The following SNX29 variants were observed in gnomAD, a reference collection of about 807,000 sequenced individuals.
The protein encoded by SNX29 is sorting nexin-29.
Under a neutral mutation model 102.1 loss-of-function variants are expected in SNX29, and 78 were observed. The observed-to-expected ratio is 0.76, with a 90% CI of 0.64 to 0.92. The LOEUF is 0.92. Among genes scored for constraint, SNX29 ranks in the 40% least tolerant of loss-of-function variants. The pLI, the probability that SNX29 is intolerant of heterozygous loss-of-function variation, is 0.00. For synonymous variants in SNX29, 580 were observed against 414.5 expected (o/e 1.40, Z -4.85); for missense variants, 1,280 against 1,061.7 (o/e 1.21, Z -2.86).
chr16:12,047,124 G>GAGGAA (rs1412646287), intron 6 of SNX29, among the ~76,000 whole-genome samples: 1 of 152,218 alleles, frequency 6.6e-6, no homozygotes, highest in East Asian at 1.9e-4. Flanking sequence ...TCCTCTCTGT[G>GAGGAA]AGGTGGGAAT....
chr16:12,557,023 C>CCCCCT (rs1555458244), intron 20 of SNX29, among the ~76,000 whole-genome samples: 1,478 of 120,862 alleles, frequency 0.012, 77 homozygotes, highest in South Asian at 0.098. Context: ...TTACCCCCCC[C>CCCCCT]CCGCCCCAAG....
At chr16:12,200,509 G>T (rs2076886885) in intron 14 of SNX29, among the ~76,000 whole-genome samples, 1 of 150,688 alleles carries the variant, frequency 6.6e-6, no homozygotes, top group South Asian at 2.1e-4. Flanking sequence ...TTGAGACAGA[G>T]CCTCACTCTA....
rs1007656251 is a variant in SNX29, at chr16:12,572,293, A to C, written c.*3664A>C. On this transcript the variant is annotated 3_prime_UTR_variant, in exon 21 of 21. Coordinates refer to ENST00000566228, the MANE Select transcript of SNX29 (RefSeq NM_032167.5). ...GATGCAACTAACAAGTACTGGGGCC[A>C]GTGATCACAATCCAGGTTGGAAACA... The C allele has an allele frequency of 6.1e-6, 6 of 986,472 alleles. No individual in the cohort carries two copies. The African/African-American group carries it at 1.3e-4, about 22-fold the overall frequency. 61.1% of individuals were successfully genotyped at this position (986,472 alleles called of 1,614,324 possible).
intron 14 of SNX29, among the ~76,000 whole-genome samples, chr16:12,266,804 C>A (rs2078942381): frequency 6.6e-6 from 1 of 151,980 alleles, no homozygotes; most frequent in Admixed American, 6.6e-5. Flanking sequence ...TGCTCTGCCA[C>A]CCAGGCTGAA....
chr16:12,476,700 G>T (rs1314756299), intron 18 of SNX29, among the ~76,000 whole-genome samples: 1 of 151,736 alleles, frequency 6.6e-6, no homozygotes, highest in Non-Finnish European at 1.5e-5. Context: ...TTCGCTAATT[G>T]AAATGTCGTG....
At chr16:11,979,066 G>C (rs1337338752) in intron 1 of SNX29, among the ~76,000 whole-genome samples, 2 of 151,892 alleles carry the variant, frequency 1.3e-5, no homozygotes, top group Non-Finnish European at 2.9e-5. Context: ...CTTGAGATCA[G>C]GAGTTTGAGA....
chr16:12,089,777 G>C (rs781364303), intron 11 of SNX29: 9 of 335,728 alleles, frequency 2.7e-5, no homozygotes, highest in Non-Finnish European at 2.3e-5. Flanking sequence ...ACTTCCTCTT[G>C]CGAAGAGCAG....
chr16:12,272,253 CT>C (rs1186738451), intron 14 of SNX29, among the ~76,000 whole-genome samples: 2 of 152,054 alleles, frequency 1.3e-5, no homozygotes, highest in African/African-American at 2.4e-5. Context: ...GGGCTAGTGC[CT>C]TGGGGACAGG....
At chr16:12,483,483 A>G (rs2088073984) in intron 19 of SNX29, among the ~76,000 whole-genome samples, 1 of 148,236 alleles carries the variant, frequency 6.7e-6, no homozygotes, top group Admixed American at 6.7e-5. Flanking sequence ...ACGCCTGGTA[A>G]TTTTTGTATT....
chr16:12,333,294 A>G (rs1480861258), intron 15 of SNX29, among the ~76,000 whole-genome samples: 3 of 151,688 alleles, frequency 2.0e-5, no homozygotes, highest in African/African-American at 7.3e-5. Flanking sequence ...TTTAGTAGAG[A>G]TGGGATTTCA....
intron 16 of SNX29, among the ~76,000 whole-genome samples, chr16:12,363,923 C>G (rs1162796306): frequency 6.6e-6 from 1 of 152,166 alleles, no homozygotes; most frequent in Non-Finnish European, 1.5e-5. Context: ...CAACAGGATG[C>G]TCAAATGAGA....
intron 15 of SNX29, among the ~76,000 whole-genome samples, chr16:12,319,501 C>T (rs897993810): frequency 6.6e-6 from 1 of 152,158 alleles, no homozygotes; most frequent in Non-Finnish European, 1.5e-5. Flanking sequence ...AATTAGGACT[C>T]CTATCCCACC....
intron 20 of SNX29, among the ~76,000 whole-genome samples, chr16:12,530,541 GT>G (rs146524178): frequency 2.5e-4 from 37 of 146,814 alleles, no homozygotes; most frequent in South Asian, 4.3e-4. Flanking sequence ...ATTTGCCTTC[GT>G]TTTTTTTTTT....
intron 19 of SNX29, among the ~76,000 whole-genome samples, chr16:12,514,685 T>G (rs1393301028): frequency 2.6e-5 from 4 of 151,982 alleles, no homozygotes; most frequent in African/African-American, 9.7e-5. Flanking sequence ...GCCAACATGG[T>G]GAAACCCCGT....
chr16:12,537,097 G>C (rs748289237), intron 20 of SNX29, among the ~76,000 whole-genome samples: 6 of 152,192 alleles, frequency 3.9e-5, no homozygotes, highest in African/African-American at 7.2e-5. Context: ...CTCCACCCAC[G>C]GTCAGTCCCT....
intron 18 of SNX29, among the ~76,000 whole-genome samples, chr16:12,413,819 G>A (rs1409313905): frequency 1.3e-5 from 2 of 152,164 alleles, no homozygotes; most frequent in African/African-American, 2.4e-5. Flanking sequence ...CTCACTTACC[G>A]CTCCTAAATG....
chr16:12,284,425 C>G (rs2079529578), intron 15 of SNX29, among the ~76,000 whole-genome samples: 3 of 152,236 alleles, frequency 2.0e-5, no homozygotes, highest in Admixed American at 2.0e-4. Context: ...CTCTTCTCCC[C>G]TCCATCCTGA....
intron 14 of SNX29, among the ~76,000 whole-genome samples, chr16:12,218,934 C>T (rs968064420): frequency 2.6e-5 from 4 of 152,146 alleles, no homozygotes; most frequent in African/African-American, 9.7e-5. Context: ...GCCACCAGTC[C>T]TGGCTAATTT....
At chr16:12,515,729 C>T in intron 19 of SNX29, 1 of 421,184 alleles carries the variant, frequency 2.4e-6, no homozygotes, top group Non-Finnish European at 4.8e-6. Context: ...CTCCGGAGGG[C>T]AGGGGTCACA....
Sources: allele counts gnomAD v4.1 joint callset (sites outside exome capture counted in the v4.1 genomes callset), GRCh38; gene constraint gnomAD v4.1.1; transcripts MANE v1.5; gene names NCBI Gene and HGNC (gene_info 2026-07-23, HGNC 2026-07-21).